The following TKTL1 variants were observed in gnomAD, a reference collection of about 807,000 sequenced individuals.
TKTL1 encodes the protein transketolase like 1, also known as transketolase-like protein 1.
TKTL1 carries 1 observed loss-of-function variant against 39.3 expected under a neutral mutation model. The observed-to-expected ratio is 0.03, with a 90% CI of 0.01 to 0.12. The LOEUF is 0.12. Among genes scored for constraint, TKTL1 ranks in the 10% least tolerant of loss-of-function variants. The pLI is 1.00. For synonymous variants in TKTL1, 262 were observed against 193.8 expected (o/e 1.35, Z -2.92); for missense variants, 575 against 509.6 (o/e 1.13, Z -1.24).
At chrX:154,298,787 C>T (rs782071825) in intron 1 of TKTL1, among the ~76,000 whole-genome samples, 201 of 111,313 alleles carry the variant, frequency 1.8e-3, no homozygotes, top group African/African-American at 6.2e-3. Context: ...CTTTCTCCTG[C>T]TAGCTTTGGG....
At chrX:154,324,357 G>A (rs868974510) in intron 9 of TKTL1, among the ~76,000 whole-genome samples, 1 of 111,788 alleles carries the variant, frequency 8.9e-6, no homozygotes, top group Non-Finnish European at 1.9e-5. Context: ...CAGGCTAGTC[G>A]CAAAACTCCT....
At chrX:154,303,984 A>G (rs1311021415) in intron 1 of TKTL1, among the ~76,000 whole-genome samples, 2 of 110,562 alleles carry the variant, frequency 1.8e-5, no homozygotes, top group Non-Finnish European at 3.8e-5. Flanking sequence ...TGGAGCCTCA[A>G]AGGTGCAGAC....
intron 8 of TKTL1, among the ~76,000 whole-genome samples, chrX:154,321,831 C>T (rs1431721525): frequency 9.2e-6 from 1 of 108,413 alleles, no homozygotes; most frequent in East Asian, 2.9e-4. Flanking sequence ...GCTAGAGTCA[C>T]GGCTGTCTGG....
Position 154,323,196 on chromosome X carries a change from G to C in TKTL1, c.1187-11G>C. 8.3e-7 allele frequency: 1 copy of C among 1,208,947 alleles called. No individual in the cohort carries two copies. Among genetic ancestry groups the C allele is most frequent in the Non-Finnish European group, 1.1e-6 (1 of 894,512 alleles). ...TATGCTCCTGTTTTCATCGGGCTCTGGTTCTCTCAGGTGACGATGGTGCTT... is the reference window on the plus strand; with the variant it reads ...TATGCTCCTGTTTTCATCGGGCTCTCGTTCTCTCAGGTGACGATGGTGCTT... On this transcript the variant is annotated splice_polypyrimidine_tract_variant and intron_variant, in intron 8 of 12. Transcript: ENST00000369915.
Position 154,296,003 on chromosome X carries a change from C to G in TKTL1, c.134+10C>G. On this transcript the variant is annotated intron_variant, in intron 1 of 12. Coordinates refer to ENST00000369915, the MANE Select transcript of TKTL1 (RefSeq NM_012253.4). ...GCTCCACGAGCTCCGGGTAAGTTCT[C>G]CTCATTGAAGTCTGGGTCATGCAGG... is the stretch of plus-strand genomic sequence containing the variant. The G allele has an allele frequency of 1.7e-6, 2 of 1,210,086 alleles. No homozygotes were observed. The highest frequency in any genetic ancestry group is 3.0e-5 in the East Asian group (1 of 33,819).
chrX:154,325,890 A>G (rs2067490174), intron 10 of TKTL1, among the ~76,000 whole-genome samples: 1 of 111,670 alleles, frequency 9.0e-6, no homozygotes, highest in Non-Finnish European at 1.9e-5. Context: ...GAGGCTGAGG[A>G]AGGAGGATAG....
chrX:154,318,789 C>G (rs1557169995), intron 7 of TKTL1, among the ~76,000 whole-genome samples: 1 of 105,667 alleles, frequency 9.5e-6, no homozygotes, highest in Non-Finnish European at 1.9e-5. Context: ...AAAAAAAATT[C>G]ATGCCAAGCC....
intron 1 of TKTL1, among the ~76,000 whole-genome samples, chrX:154,301,377 C>CGTG (rs781905011): frequency 9.1e-6 from 1 of 109,977 alleles, no homozygotes; most frequent in South Asian, 3.9e-4. Context: ...ATTAGCCGGG[C>CGTG]GTGGTGGTGC....
At chrX:154,315,100 A>T (rs1030662547) in intron 6 of TKTL1, 73 bp from the exon 7 acceptor site, 8 of 1,029,345 alleles carry the variant, frequency 7.8e-6, no homozygotes, top group Middle Eastern at 2.6e-4. Flanking sequence ...ACAATATGGT[A>T]CCTTCCTTCT....
At chrX:154,302,197 C>CT (rs1204928242) in intron 1 of TKTL1, among the ~76,000 whole-genome samples, 60 of 106,318 alleles carry the variant, frequency 5.6e-4, no homozygotes, top group Middle Eastern at 9.6e-3. Flanking sequence ...ATTCCTCTTT[C>CT]TTTTTTTTTT....
At chrX:154,305,172 A>G (rs781828099) in intron 1 of TKTL1, 132 bp from the exon 2 acceptor site, 8 of 1,179,895 alleles carry the variant, frequency 6.8e-6, no homozygotes, top group Non-Finnish European at 8.0e-6. Flanking sequence ...TGAGCCCTGC[A>G]TTCCTTACCC....
chrX:154,296,575 T>C (rs1381831490), intron 1 of TKTL1, among the ~76,000 whole-genome samples: 1 of 111,835 alleles, frequency 8.9e-6, no homozygotes, highest in African/African-American at 3.3e-5. Flanking sequence ...GGAGGCTTGC[T>C]TGTGCTGTTG....
At chrX:154,303,175 ATTTTTATTTATTTATT>A (rs2067287190) in intron 1 of TKTL1, among the ~76,000 whole-genome samples, 1 of 92,688 alleles carries the variant, frequency 1.1e-5, no homozygotes, top group African/African-American at 4.3e-5. Context: ...ATTTTTTAAA[ATTTTTATTTATTTATT>A]TATTTATTTA....
intron 6 of TKTL1, among the ~76,000 whole-genome samples, chrX:154,314,457 AGTGTT>A (rs1395495453): frequency 1.8e-5 from 2 of 111,796 alleles, no homozygotes; most frequent in Non-Finnish European, 3.8e-5. Context: ...TCAGTGTTCT[AGTGTT>A]AGGTTAAAGG....
At chrX:154,306,117 G>C (rs1173371356) in intron 2 of TKTL1, among the ~76,000 whole-genome samples, 2 of 107,693 alleles carry the variant, frequency 1.9e-5, no homozygotes, top group African/African-American at 7.0e-5. Context: ...GACCAGCCTG[G>C]TCAACATAGC....
intron 7 of TKTL1, among the ~76,000 whole-genome samples, chrX:154,317,858 G>C (rs1167771184): frequency 9.0e-6 from 1 of 110,646 alleles, no homozygotes; most frequent in Non-Finnish European, 1.9e-5. Context: ...TGACAAGACT[G>C]GGGGAGAAGT....
At chrX:154,321,514 G>T (rs1374258774) in intron 8 of TKTL1, among the ~76,000 whole-genome samples, 1 of 97,506 alleles carries the variant, frequency 1.0e-5, no homozygotes, top group African/African-American at 3.9e-5. Flanking sequence ...AACCAGGGGG[G>T]TGGGGGGGGA....
At chrX:154,324,787 C>T (rs1230116197) in intron 9 of TKTL1, among the ~76,000 whole-genome samples, 1 of 111,976 alleles carries the variant, frequency 8.9e-6, no homozygotes, top group African/African-American at 3.2e-5. Context: ...ACGTTTCTTG[C>T]TATATTCGTT....
rs781803622 is a variant in TKTL1, at chrX:154,295,836, T to G, written c.-24T>G. ...ACGCCGGAGACGTAGGAGTGGGTCT[T>G]CAGACTCCAAAGGGGTTGGACTAAT... On this transcript the variant is annotated 5_prime_UTR_variant, in exon 1 of 13. Coordinates refer to ENST00000369915, the MANE Select transcript of TKTL1 (RefSeq NM_012253.4). 8 of 1,205,178 alleles carry G rather than the reference T, an allele frequency of 6.6e-6. No individual in the cohort carries two copies. The Admixed American group carries it at 6.6e-5, about 10-fold the overall frequency.
Sources: gnomAD v4.1 joint callset for allele counts (sites outside exome capture counted in the v4.1 genomes callset) on GRCh38, gnomAD v4.1.1 for gene constraint, MANE v1.5 for transcripts, NCBI Gene and HGNC (gene_info 2026-07-23, HGNC 2026-07-21) for gene names.